The following BMP6 variants were observed in gnomAD, a reference collection of about 807,000 sequenced individuals.
The protein encoded by BMP6 is bone morphogenetic protein 6.
A neutral mutation model predicts 54.1 loss-of-function variants in BMP6; 17 were observed. The ratio of observed to expected loss-of-function variants is 0.31; its 90% confidence interval spans 0.22 to 0.47. BMP6 has a LOEUF of 0.47. Ranked by LOEUF, BMP6 falls within the 20% of genes least tolerant of loss-of-function variation. BMP6 has a pLI of 1.00. For missense variants in BMP6, 720 were observed against 690.4 expected (o/e 1.04, Z -0.48); for synonymous variants, 328 against 291.2 (o/e 1.13, Z -1.28).
intron 1 of BMP6, among the ~76,000 whole-genome samples, chr6:7,792,743 A>G (rs1758128897): frequency 6.6e-6 from 1 of 152,212 alleles, no homozygotes; most frequent in Admixed American, 6.5e-5. Context: ...GTTGTCAGAT[A>G]TGAAAAATGT....
chr6:7,839,785 C>T (rs112887333), intron 1 of BMP6, among the ~76,000 whole-genome samples: 11 of 152,154 alleles, frequency 7.2e-5, no homozygotes, highest in East Asian at 1.9e-4. Flanking sequence ...TACAAATATC[C>T]GTTCAAGGCC....
At chr6:7,875,626 C>T (rs1349368638) in intron 4 of BMP6, among the ~76,000 whole-genome samples, 1 of 152,164 alleles carries the variant, frequency 6.6e-6, no homozygotes, top group East Asian at 1.9e-4. Context: ...CATGATTGTG[C>T]CACTGTGCTC....
At chr6:7,821,231 A>G (rs190536551) in intron 1 of BMP6, among the ~76,000 whole-genome samples, 81 of 152,344 alleles carry the variant, frequency 5.3e-4, no homozygotes, top group African/African-American at 1.9e-3. Context: ...GTTTGACCCA[A>G]GAACTGTGGG....
intron 1 of BMP6, among the ~76,000 whole-genome samples, chr6:7,741,094 C>T (rs1757242642): frequency 6.6e-6 from 1 of 152,086 alleles, no homozygotes; most frequent in African/African-American, 2.4e-5. Flanking sequence ...TGTGATTTTG[C>T]CTATTTACCT....
chr6:7,851,746 T>G (rs550866869), intron 2 of BMP6, among the ~76,000 whole-genome samples: 1 of 152,262 alleles, frequency 6.6e-6, no homozygotes, highest in African/African-American at 2.4e-5. Context: ...TTCTTCTCTA[T>G]TTCTAGTATT....
intron 4 of BMP6, among the ~76,000 whole-genome samples, chr6:7,866,927 A>G (rs1241155648): frequency 6.6e-6 from 1 of 152,082 alleles, no homozygotes; most frequent in Non-Finnish European, 1.5e-5. Context: ...CTGGAGTGCA[A>G]TGGTGCCATC....
chr6:7,837,917 A>G lies in BMP6; in HGVS notation c.665-7223A>G, dbSNP rs182839911. On this transcript the variant is annotated intron_variant, in intron 1 of 6. Coordinates refer to ENST00000283147, the MANE Select transcript of BMP6 (RefSeq NM_001718.6). Reference sequence around the variant, plus strand: ...TTTCTATGTTTAAAGGAAAATGAGTAATTTAAAATGTCCCCCAAAAGAAAA... The same window carrying G: ...TTTCTATGTTTAAAGGAAAATGAGTGATTTAAAATGTCCCCCAAAAGAAAA... Among the ~76,000 whole-genome samples the G allele has an allele frequency of 7.2e-5, 11 of 152,352 alleles. No homozygotes were observed. The East Asian group carries it at 1.7e-3, about 24-fold the overall frequency.
chr6:7,863,275 G>T (rs2113279380), intron 4 of BMP6, among the ~76,000 whole-genome samples: 1 of 152,340 alleles, frequency 6.6e-6, no homozygotes, highest in East Asian at 1.9e-4. Context: ...TGGGATTACA[G>T]GCATGAGCCA....
chr6:7,844,169 A>G (rs1242438499), intron 1 of BMP6, among the ~76,000 whole-genome samples: 2 of 152,028 alleles, frequency 1.3e-5, no homozygotes, highest in Non-Finnish European at 2.9e-5. Context: ...TGCTTATTTC[A>G]CTTCACATAA....
intron 2 of BMP6, among the ~76,000 whole-genome samples, chr6:7,858,975 G>C (rs565118829): frequency 2.0e-5 from 3 of 152,064 alleles, no homozygotes; most frequent in South Asian, 4.2e-4. Context: ...ACAGAACAAC[G>C]CAAATTCATG....
chr6:7,859,105 C>T lies in BMP6; in HGVS notation c.858-2346C>T, dbSNP rs116442022. ...GTCATGATGGGTAATCCTCATCTTC[C>T]GCCTTTGCCCCAAGTTTAACTTTTG... On this transcript the variant is annotated intron_variant, in intron 2 of 6. Transcript: ENST00000283147. 6.6e-3 allele frequency among the ~76,000 whole-genome samples: 997 copies of T among 152,168 alleles called. 5 individuals are homozygous for T. The highest frequency in any genetic ancestry group is 0.011 in the Non-Finnish European group (739 of 67,984).
chr6:7,764,221 A>G (rs1757653701), intron 1 of BMP6, among the ~76,000 whole-genome samples: 1 of 152,138 alleles, frequency 6.6e-6, no homozygotes, highest in Non-Finnish European at 1.5e-5. Context: ...GGGAGGGAAG[A>G]GGATTCTGAA....
rs932177137 is a variant in BMP6, at chr6:7,838,216, T to C, written c.665-6924T>C. ...TTATAGTATATTGTTGTATTTGTTT[T>C]ATTATCATTAATCTTACTATGCCTA... On this transcript the variant is annotated intron_variant, in intron 1 of 6. Transcript: ENST00000283147. 4.1e-4 allele frequency among the ~76,000 whole-genome samples: 62 copies of C among 152,166 alleles called. 1 individual carries two copies. Among genetic ancestry groups the C allele is most frequent in the African/African-American group, 1.4e-3 (60 of 41,388 alleles).
Position 7,862,372 on chromosome 6 carries a change from G to T in BMP6, c.1078G>T (p.Val360Leu). The T allele has an allele frequency of 6.2e-7, 1 of 1,614,204 alleles. No homozygotes were observed. The highest frequency in any genetic ancestry group is 8.5e-7 in the Non-Finnish European group (1 of 1,180,032). The change falls in exon 4 of 7, where the codon GTG (valine) becomes TTG (leucine). Residue 360 changes from valine (V) to leucine (L), a missense_variant. By Grantham distance (32) the Val-to-Leu change is conservative. Around this residue, in one of 3 missense-constraint regions of BMP6, gnomAD observed 650 missense variants for 556.3 expected, o/e 1.17. Coordinates refer to ENST00000283147, the MANE Select transcript of BMP6 (RefSeq NM_001718.6). ...DGPYDKQPFM[V>L]AFFKVSEVHV... The stretch of plus-strand genomic sequence containing the variant: ...CCCTTACGACAAGCAGCCCTTCATG[G>T]TGGCTTTCTTCAAAGTGAGTGAGGT...
intron 2 of BMP6, among the ~76,000 whole-genome samples, chr6:7,848,899 T>C (rs166497): frequency 0.38 from 58,450 of 152,058 alleles, 11,921 homozygotes; most frequent in East Asian, 0.72. Context: ...AGTTACAGTT[T>C]GGAAAAGGCC....
chr6:7,808,856 T>C (rs1356367091), intron 1 of BMP6, among the ~76,000 whole-genome samples: 8 of 147,672 alleles, frequency 5.4e-5, no homozygotes, highest in Admixed American at 4.8e-4. Flanking sequence ...GGAGGCTGCA[T>C]TGAGCTATGA....
intron 4 of BMP6, among the ~76,000 whole-genome samples, chr6:7,864,789 T>G (rs933503438): frequency 6.6e-6 from 1 of 152,208 alleles, no homozygotes; most frequent in Non-Finnish European, 1.5e-5. Context: ...CTAGAAACAG[T>G]CAGGGTTGGG....
chr6:7,860,507 C>T (rs1759317054), intron 2 of BMP6, among the ~76,000 whole-genome samples: 1 of 152,156 alleles, frequency 6.6e-6, no homozygotes, highest in African/African-American at 2.4e-5. Context: ...TGCAGGTGAG[C>T]AGAAGGAGAC....
intron 1 of BMP6, among the ~76,000 whole-genome samples, chr6:7,746,604 G>T (rs565219474): frequency 6.6e-6 from 1 of 152,266 alleles, no homozygotes; most frequent in Non-Finnish European, 1.5e-5. Context: ...ATGAAAACTT[G>T]TGGAAAAAGT....
Sources: gnomAD v4.1 joint callset for allele counts (sites outside exome capture counted in the v4.1 genomes callset) on GRCh38, gnomAD v4.1.1 for gene constraint, gnomAD v4.1.1 regional missense constraint, MANE v1.5 for transcripts, NCBI Gene and HGNC (gene_info 2026-07-23, HGNC 2026-07-21) for gene names.